Variants in ELAPOR1 observed in about 807,000 individuals in gnomAD.
ELAPOR1 encodes the protein endosome/lysosome-associated apoptosis and autophagy regulator 1.
A neutral mutation model predicts 119.7 loss-of-function variants in ELAPOR1; 77 were observed. The observed-to-expected ratio is 0.64, with a 90% CI of 0.54 to 0.78. The LOEUF is 0.78. Ranked by LOEUF, ELAPOR1 falls within the 30% of genes least tolerant of loss-of-function variation. ELAPOR1 has a pLI of 0.00. For synonymous variants in ELAPOR1, 481 were observed against 487.2 expected (o/e 0.99, Z 0.17); for missense variants, 1,115 against 1,270.4 (o/e 0.88, Z 1.86).
chr1:109,202,141 G>C (rs1208224786), intron 21 of ELAPOR1, among the ~76,000 whole-genome samples: 2 of 152,040 alleles, frequency 1.3e-5, no homozygotes, highest in Non-Finnish European at 2.9e-5. Context: ...GAGACGGAGT[G>C]TTGCTCTGTC....
chr1:109,170,725 T>A (rs1651871089), intron 3 of ELAPOR1, among the ~76,000 whole-genome samples: 3 of 152,114 alleles, frequency 2.0e-5, no homozygotes, highest in Admixed American at 2.0e-4. Flanking sequence ...TGGTCAGACG[T>A]CTATTCTGGA....
chr1:109,192,345 CT>C (rs1193524670), intron 13 of ELAPOR1, among the ~76,000 whole-genome samples: 1 of 152,100 alleles, frequency 6.6e-6, no homozygotes, highest in Non-Finnish European at 1.5e-5. Flanking sequence ...AAAAGACTTG[CT>C]TTTTTCATAA....
At chr1:109,153,058 A>G (rs762062561) in intron 1 of ELAPOR1, among the ~76,000 whole-genome samples, 2 of 151,992 alleles carry the variant, frequency 1.3e-5, no homozygotes, top group Non-Finnish European at 2.9e-5. Context: ...GTAGAGATAG[A>G]TAAAGAACGG....
intron 8 of ELAPOR1, chr1:109,187,975 A>G (rs1407546897): frequency 7.6e-7 from 1 of 1,320,296 alleles, no homozygotes; most frequent in Non-Finnish European, 9.7e-7. Flanking sequence ...TTTGGCAGAT[A>G]GTGATTGAAC....
intron 5 of ELAPOR1, 132 bp downstream of exon 5, chr1:109,172,700 A>G (rs970891715): frequency 3.0e-6 from 2 of 672,096 alleles, no homozygotes; most frequent in Admixed American, 5.1e-5. Flanking sequence ...TATGATGAAG[A>G]TGCTGTAGTT....
chr1:109,197,688 A>AGAGAGAGGGT (rs113482805), intron 16 of ELAPOR1, 34 bp downstream of exon 16: 1 of 1,173,662 alleles, frequency 8.5e-7, no homozygotes. Flanking sequence ...CTTGTTTGAG[A>AGAGAGAGGGT]GTGTGTGTGT....
At chr1:109,177,757 A>T (rs1191062429) in intron 7 of ELAPOR1, among the ~76,000 whole-genome samples, 1 of 152,056 alleles carries the variant, frequency 6.6e-6, no homozygotes, top group African/African-American at 2.4e-5. Flanking sequence ...TTCTATCAAC[A>T]GCAACCTTTG....
chr1:109,115,729 G>A (rs1647951432), intron 1 of ELAPOR1, among the ~76,000 whole-genome samples: 1 of 152,170 alleles, frequency 6.6e-6, no homozygotes, highest in Admixed American at 6.5e-5. Context: ...TGTGAATAAA[G>A]ATACTTGATT....
At chr1:109,197,895 G>A in intron 16 of ELAPOR1, 84 bp from the exon 17 acceptor site, 1 of 1,208,862 alleles carries the variant, frequency 8.3e-7, no homozygotes, top group Admixed American at 1.7e-5. Context: ...AAGTGAGGTT[G>A]GATGTTGACA....
intron 1 of ELAPOR1, among the ~76,000 whole-genome samples, chr1:109,144,061 A>ATATATATATATATTTTTTTTTTTT: frequency 3.4e-5 from 3 of 88,990 alleles, no homozygotes; most frequent in African/African-American, 1.4e-4. Context: ...ATATTTATAT[A>ATATATATATATATTTTTTTTTTTT]TTTTTTTTTT....
At chr1:109,197,767 A>T in intron 16 of ELAPOR1, 113 bp downstream of exon 16, 2 of 1,194,718 alleles carry the variant, frequency 1.7e-6, no homozygotes, top group Non-Finnish European at 2.3e-6. Flanking sequence ...GCCCCACATG[A>T]GGGGCCCAAC....
At position 109,204,964 on chromosome 1, in the gene ELAPOR1, T is replaced by C. The variant is rs1319805692; in HGVS notation, c.*1952T>C. 2.0e-5 allele frequency: 3 copies of C among 152,242 alleles called. No homozygotes were observed. The highest frequency in any genetic ancestry group is 7.2e-5 in the African/African-American group (3 of 41,460). The allele number at this position is 152,242 out of a possible 1,614,324, so 9.4% of individuals were successfully genotyped here. A position where few individuals can be genotyped will look rare whatever the true frequency, so the allele number is the denominator to read the frequency against. On this transcript the variant is annotated 3_prime_UTR_variant, in exon 22 of 22. Transcript: ENST00000369939. ...TATTAAGCCCCTATCTTTCTCTTTTTTTCATTCTCAATTGCTTTGTGTGAT... is the reference window on the plus strand; with the variant it reads ...TATTAAGCCCCTATCTTTCTCTTTTCTTCATTCTCAATTGCTTTGTGTGAT...
At chr1:109,183,385 C>T (rs934584000) in intron 7 of ELAPOR1, among the ~76,000 whole-genome samples, 1 of 147,650 alleles carries the variant, frequency 6.8e-6, no homozygotes, top group African/African-American at 2.5e-5. Context: ...GAAAACAAAC[C>T]CTATGATGAA....
At chr1:109,119,850 G>T (rs1278621022) in intron 1 of ELAPOR1, among the ~76,000 whole-genome samples, 3 of 152,132 alleles carry the variant, frequency 2.0e-5, no homozygotes, top group Non-Finnish European at 4.4e-5. Flanking sequence ...TGGGGTGCTG[G>T]GTTGTGGGTT....
At chr1:109,175,826 C>CAAA (rs55824923) in intron 7 of ELAPOR1, among the ~76,000 whole-genome samples, 13 of 88,450 alleles carry the variant, frequency 1.5e-4, no homozygotes, top group African/African-American at 6.0e-4. Flanking sequence ...GACTCAGTCT[C>CAAA]AAAAAAAAAA....
chr1:109,187,766 C>G, intron 8 of ELAPOR1: 1 of 789,106 alleles, frequency 1.3e-6, no homozygotes, highest in African/African-American at 1.9e-5. Flanking sequence ...GCCACCCCCT[C>G]AGTCCCCGGG....
At chr1:109,149,704 C>A (rs1650412059) in intron 1 of ELAPOR1, among the ~76,000 whole-genome samples, 1 of 152,140 alleles carries the variant, frequency 6.6e-6, no homozygotes, top group African/African-American at 2.4e-5. Context: ...TACATTTGAT[C>A]TGGAATGGGG....
intron 1 of ELAPOR1, among the ~76,000 whole-genome samples, chr1:109,132,106 T>A (rs1035451986): frequency 6.6e-6 from 1 of 152,170 alleles, no homozygotes; most frequent in African/African-American, 2.4e-5. Context: ...AATATCTTTG[T>A]GTATATGAAC....
At chr1:109,183,778 G>A (rs939369644) in intron 7 of ELAPOR1, among the ~76,000 whole-genome samples, 12 of 151,878 alleles carry the variant, frequency 7.9e-5, no homozygotes, top group Non-Finnish European at 1.5e-4. Context: ...CACCACGCCC[G>A]GCTAATTTTT....
Sources: gnomAD v4.1 joint callset for allele counts (sites outside exome capture counted in the v4.1 genomes callset) on GRCh38, gnomAD v4.1.1 for gene constraint, MANE v1.5 for transcripts, NCBI Gene and HGNC (gene_info 2026-07-23, HGNC 2026-07-21) for gene names.